Variants in ACSM1 observed in about 807,000 individuals in gnomAD.
ACSM1 encodes acyl-CoA synthetase medium chain family member 1.
Under a neutral mutation model 75.8 loss-of-function variants are expected in ACSM1, and 79 were observed. That is an observed-to-expected ratio of 1.04 (90% CI 0.87 to 1.26). The LOEUF (loss-of-function observed/expected upper bound fraction) is 1.26. Ranked by LOEUF, ACSM1 falls within the 50% of genes most tolerant of loss-of-function variation. The pLI is 0.00. For missense variants in ACSM1, 676 were observed against 720.1 expected (o/e 0.94, Z 0.70); for synonymous variants, 279 against 265.8 (o/e 1.05, Z -0.48).
At position 20,682,296 on chromosome 16, in the gene ACSM1, G is replaced by T. The variant is rs970780421; in HGVS notation, c.571C>A (p.His191Asn). The change falls in exon 4 of 14, where the codon CAC becomes AAC. Residue 191 changes from histidine (H) to asparagine (N), a missense_variant. His to Asn is a moderately conservative substitution (Grantham distance 68). Transcript: ENST00000520010. ...SLKTKLLVSD[H>N]SREGWLDFRS... ...AAGTCCAGCCACCCTTCACGGCTGT[G>T]ATCAGACACCAGGAGCTTGGTTTTC... 6 of 1,613,780 alleles carry T rather than the reference G, an allele frequency of 3.7e-6. 1 individual carries two copies. The Admixed American group carries it at 1.0e-4, about 27-fold the overall frequency.
At chr16:20,626,430 C>T (rs1034621068) in intron 11 of ACSM1, among the ~76,000 whole-genome samples, 2 of 151,920 alleles carry the variant, frequency 1.3e-5, no homozygotes, top group African/African-American at 4.8e-5. Flanking sequence ...GAAATTGTTA[C>T]TGTAGTGTAA....
intron 1 of ACSM1, among the ~76,000 whole-genome samples, chr16:20,694,590 T>C (rs910935477): frequency 6.6e-6 from 1 of 152,142 alleles, no homozygotes; most frequent in African/African-American, 2.4e-5. Flanking sequence ...TTCCTTAAAA[T>C]ACAAACTCAC....
At chr16:20,693,977 A>T (rs1162307009) in intron 1 of ACSM1, among the ~76,000 whole-genome samples, 1 of 152,270 alleles carries the variant, frequency 6.6e-6, no homozygotes, top group Admixed American at 6.5e-5. Context: ...TAACCGTAAT[A>T]AAGAAATCAA....
At chr16:20,683,812 C>A (rs2079498014) in intron 3 of ACSM1, among the ~76,000 whole-genome samples, 1 of 151,320 alleles carries the variant, frequency 6.6e-6, no homozygotes, top group South Asian at 2.1e-4. Flanking sequence ...TCATGATCCA[C>A]CCACCTCAGC....
At chr16:20,684,371 G>A (rs998065218) in intron 3 of ACSM1, among the ~76,000 whole-genome samples, 4 of 152,178 alleles carry the variant, frequency 2.6e-5, no homozygotes, top group African/African-American at 9.7e-5. Flanking sequence ...TTGTGCCTTT[G>A]TAAAGGATAA....
At chr16:20,654,416 A>G (rs1257683360) in intron 7 of ACSM1, among the ~76,000 whole-genome samples, 1 of 152,228 alleles carries the variant, frequency 6.6e-6, no homozygotes, top group Non-Finnish European at 1.5e-5. Context: ...TATTTAAACT[A>G]AAGAGCTTCT....
intron 7 of ACSM1, among the ~76,000 whole-genome samples, chr16:20,645,541 T>C (rs2018314053): frequency 6.6e-6 from 1 of 152,224 alleles, no homozygotes; most frequent in African/African-American, 2.4e-5. Flanking sequence ...GGGACAATTA[T>C]TTGATCTCAC....
Position 20,625,470 on chromosome 16 carries a change from C to T in ACSM1, c.1480G>A (p.Val494Met). ...VESALVEHPA[V>M]AESAVVGSPD... ...CTGCCCACCACGGCTGACTCCGCCA[C>T]CGCTGGGTGCTCCACCAAAGCGCTT... The change falls in exon 12 of 14, where the codon GTG becomes ATG. Residue 494 changes from valine to methionine, a missense_variant. Transcript: ENST00000520010. 1 of 1,614,174 alleles carries T rather than the reference C, an allele frequency of 6.2e-7. No homozygotes were observed. The highest frequency in any genetic ancestry group is 8.5e-7 in the Non-Finnish European group (1 of 1,180,032).
intron 8 of ACSM1, among the ~76,000 whole-genome samples, chr16:20,639,913 A>G (rs1466901374): frequency 1.3e-5 from 2 of 152,198 alleles, no homozygotes; most frequent in Non-Finnish European, 2.9e-5. Context: ...TTCCTAAACA[A>G]GAGCTAAAAA....
chr16:20,682,495 T>C, intron 3 of ACSM1, 32 bp from the exon 4 acceptor site: 1 of 1,587,198 alleles, frequency 6.3e-7, no homozygotes, highest in Non-Finnish European at 8.6e-7. Context: ...ATTGTTTTGG[T>C]TTCTTTTTCA....
chr16:20,629,655 C>T (rs777653716), intron 10 of ACSM1, among the ~76,000 whole-genome samples: 24 of 152,140 alleles, frequency 1.6e-4, no homozygotes, highest in Non-Finnish European at 3.1e-4. Flanking sequence ...TAATAAAACA[C>T]GATCCAAATA....
intron 9 of ACSM1, 164 bp downstream of exon 9, chr16:20,637,207 C>A: frequency 1.3e-6 from 1 of 779,722 alleles, no homozygotes; most frequent in East Asian, 2.4e-5. Context: ...CACAATAATG[C>A]AGTTTTCAAC....
At chr16:20,665,738 A>G (rs1006302906) in intron 6 of ACSM1, among the ~76,000 whole-genome samples, 1 of 152,188 alleles carries the variant, frequency 6.6e-6, no homozygotes, top group African/African-American at 2.4e-5. Flanking sequence ...AATTCTCAAC[A>G]AAATACTAGT....
chr16:20,654,894 C>G (rs1366349936), intron 7 of ACSM1, among the ~76,000 whole-genome samples: 1 of 152,150 alleles, frequency 6.6e-6, no homozygotes, highest in Non-Finnish European at 1.5e-5. Context: ...AATCCCATTA[C>G]TGGGTATATA....
At position 20,636,844 on chromosome 16, in the gene ACSM1, T is replaced by C; in HGVS notation, c.1198-4A>G. ...TGCTGCCCTTGTCATCAATGACCTG[T>C]AGCAAGAGGCCTGTGAATCATACAC... On this transcript the variant is annotated splice_region_variant and splice_polypyrimidine_tract_variant and intron_variant, in intron 9 of 13. Transcript: ENST00000520010. The C allele has an allele frequency of 6.2e-7, 1 of 1,611,674 alleles. No homozygotes were observed.
chr16:20,626,485 A>G (rs1168826005), intron 11 of ACSM1, among the ~76,000 whole-genome samples: 1 of 152,110 alleles, frequency 6.6e-6, no homozygotes, highest in African/African-American at 2.4e-5. Flanking sequence ...AGGGACTCAG[A>G]GCCAGACTAC....
intron 7 of ACSM1, among the ~76,000 whole-genome samples, chr16:20,658,680 G>T (rs1341567097): frequency 2.0e-5 from 3 of 152,036 alleles, no homozygotes; most frequent in Non-Finnish European, 4.4e-5. Flanking sequence ...ATACAAAAGT[G>T]GTGGGAAGAA....
intron 9 of ACSM1, 99 bp from the exon 10 acceptor site, chr16:20,636,939 T>A: frequency 1.2e-6 from 1 of 821,622 alleles, no homozygotes; most frequent in South Asian, 1.5e-5. Flanking sequence ...CCAGTGTGGA[T>A]GAAATAACAG....
chr16:20,671,755 C>T (rs548595311), intron 4 of ACSM1, 84 bp from the exon 5 acceptor site: 139 of 1,398,160 alleles, frequency 9.9e-5, no homozygotes, highest in Middle Eastern at 9.6e-4. Flanking sequence ...ACATAAGGCA[C>T]GGACAGGAAA....
Sources: gnomAD v4.1 joint callset for allele counts (sites outside exome capture counted in the v4.1 genomes callset) on GRCh38, gnomAD v4.1.1 for gene constraint, MANE v1.5 for transcripts, NCBI Gene and HGNC (gene_info 2026-07-23, HGNC 2026-07-21) for gene names.